AP5M1: variants seen among roughly 807,000 people sequenced by gnomAD.
AP5M1 encodes AP-5 complex subunit mu-1.
AP5M1 carries 44 observed loss-of-function variants against 52.3 expected under a neutral mutation model. That is an observed-to-expected ratio of 0.84 (90% CI 0.66 to 1.08). The LOEUF (loss-of-function observed/expected upper bound fraction) is 1.08, where lower values mean the gene tolerates loss of function less well. Among genes scored for constraint, AP5M1 ranks in the 50% least tolerant of loss-of-function variants. AP5M1 has a pLI of 0.00. For synonymous variants in AP5M1, 213 were observed against 199.0 expected (o/e 1.07, Z -0.59); for missense variants, 526 against 568.4 (o/e 0.93, Z 0.76).
chr14:57,282,225 A>G lies in AP5M1; in HGVS notation c.1085A>G (p.Asn362Ser), dbSNP rs371918736. ...TGTGAAGCCCATATACCTTTTTACA[A>G]TAGGTAGGAATAAAATGCATATTGC... The part of the protein sequence containing the change: ...EFCEAHIPFY[N>S]RGPITHLEYK... The change falls in exon 4 of 8, where the codon AAT becomes AGT. Residue 362 changes from asparagine to serine, a missense_variant. Transcript: ENST00000261558. 115 of 1,521,588 alleles carry G rather than the reference A, an allele frequency of 7.6e-5. No individual in the cohort carries two copies. The highest frequency in any genetic ancestry group is 8.9e-5 in the Non-Finnish European group (102 of 1,141,862). 94.3% of individuals were successfully genotyped at this position (1,521,588 alleles called of 1,614,324 possible).
rs764621908 is a variant in AP5M1, at chr14:57,286,311, T to C, written c.1382T>C (p.Ile461Thr). Reference protein sequence around the residue: ...VQVFASGKPKISAHRKLISSD... With the variant: ...VQVFASGKPKTSAHRKLISSD... ...GTTTTTGCATCAGGAAAACCAAAAA[T>C]AAGTGCACGTAAGTTACACAGATTC... Residue 461 changes from isoleucine (I) to threonine (T), a missense_variant, in exon 7 of 8, where the codon ATA becomes ACA. Transcript: ENST00000261558. The C allele has an allele frequency of 3.1e-6, 5 of 1,593,238 alleles. No homozygotes were observed. In the Admixed American group the frequency reaches 8.3e-5, roughly 27 times the overall value.
chr14:57,298,550 G>C lies in AP5M1; in HGVS notation c.*9666G>C, dbSNP rs1885598462. 1 of 152,130 alleles carries C rather than the reference G, an allele frequency of 6.6e-6. No individual in the cohort carries two copies. Among genetic ancestry groups the C allele is most frequent in the Non-Finnish European group, 1.5e-5 (1 of 68,018 alleles). The allele number at this position is 152,130 out of a possible 1,614,324, so 9.4% of individuals were successfully genotyped here. ...ATTCAATCAGTGTTCATTCCCTTCTGTATCAAAGACTTATAATGGCCTTTT... is the reference window on the plus strand; with the variant it reads ...ATTCAATCAGTGTTCATTCCCTTCTCTATCAAAGACTTATAATGGCCTTTT... On this transcript the variant is annotated 3_prime_UTR_variant, in exon 8 of 8. Transcript: ENST00000261558.
intron 7 of AP5M1, among the ~76,000 whole-genome samples, chr14:57,286,998 C>T (rs775824018): frequency 2.0e-3 from 158 of 78,712 alleles, no homozygotes; most frequent in Middle Eastern, 6.1e-3. Context: ...CACACACATA[C>T]ACACACACAC....
Position 57,298,532 on chromosome 14 carries a change from C to T in AP5M1, c.*9648C>T, listed in dbSNP as rs1307737743. On this transcript the variant is annotated 3_prime_UTR_variant, in exon 8 of 8. Transcript: ENST00000261558. ...AGTTATAAGTGCATAGGTATTCAAT[C>T]AGTGTTCATTCCCTTCTGTATCAAA... is the stretch of plus-strand genomic sequence containing the variant. 1 of 152,132 alleles carries T rather than the reference C, an allele frequency of 6.6e-6. No individual in the cohort carries two copies. The highest frequency in any genetic ancestry group is 1.5e-5 in the Non-Finnish European group (1 of 68,012). 9.4% of individuals were successfully genotyped at this position (152,132 alleles called of 1,614,324 possible).
chr14:57,288,681 T>G, intron 7 of AP5M1, 121 bp from the exon 8 acceptor site: 1 of 625,926 alleles, frequency 1.6e-6, no homozygotes. Flanking sequence ...GAAATTAAAA[T>G]GAATATTTCA....
intron 1 of AP5M1, among the ~76,000 whole-genome samples, chr14:57,273,085 G>A (rs1028776833): frequency 2.6e-5 from 4 of 151,756 alleles, no homozygotes; most frequent in African/African-American, 7.3e-5. Flanking sequence ...GATCACAGGC[G>A]TGCACCACCA....
At chr14:57,276,213 C>A (rs1416170564) in intron 2 of AP5M1, among the ~76,000 whole-genome samples, 1 of 152,064 alleles carries the variant, frequency 6.6e-6, no homozygotes, top group East Asian at 1.9e-4. Flanking sequence ...TTGAGGTGTT[C>A]ATGGATTATG....
rs1443244566 is a variant in AP5M1, at chr14:57,274,241, C to G, written c.75-3C>G. The G allele has an allele frequency of 3.3e-5, 52 of 1,586,990 alleles. No individual in the cohort carries two copies. The highest frequency in any genetic ancestry group is 4.0e-5 in the Non-Finnish European group (47 of 1,167,452). On this transcript the variant is annotated splice_polypyrimidine_tract_variant and splice_region_variant and intron_variant, in intron 1 of 7. Transcript: ENST00000261558. ...TTATAATGTTTCTGTTTCCGTAATG[C>G]AGACGGTATCCAACTGTTGAAAAAC...
In AP5M1 at chr14:57,289,370, T is replaced by G. The variant is rs1407130328; in HGVS notation, c.*486T>G. 1 of 152,192 alleles carries G rather than the reference T, an allele frequency of 6.6e-6. No homozygotes were observed. The allele number at this position is 152,192 out of a possible 1,614,324, so 9.4% of individuals were successfully genotyped here. On this transcript the variant is annotated 3_prime_UTR_variant, in exon 8 of 8. Transcript: ENST00000261558. ...AGTACTAAGCTCCTAGTATAAGGTGTTGTTACAGAATACCAGAGACCATGT... is the reference window on the plus strand; with the variant it reads ...AGTACTAAGCTCCTAGTATAAGGTGGTGTTACAGAATACCAGAGACCATGT...
rs1885575826 is a variant in AP5M1 at position 57,297,456 on chromosome 14, A to T, written c.*8572A>T. ...ACATTTGTATGCTAATGTGTCTTAGATTTACCAACTATCCTAATGTGTAGT... is the reference window on the plus strand; with the variant it reads ...ACATTTGTATGCTAATGTGTCTTAGTTTTACCAACTATCCTAATGTGTAGT... On this transcript the variant is annotated 3_prime_UTR_variant, in exon 8 of 8. Coordinates refer to ENST00000261558, the MANE Select transcript of AP5M1 (RefSeq NM_018229.4). 6.6e-6 allele frequency: 1 copy of T among 152,112 alleles called. No homozygotes were observed. Among genetic ancestry groups the T allele is most frequent in the African/African-American group, 2.4e-5 (1 of 41,430 alleles). 9.4% of individuals were successfully genotyped at this position (152,112 alleles called of 1,614,324 possible).
chr14:57,281,809 T>C (rs945608557), intron 3 of AP5M1, among the ~76,000 whole-genome samples: 3 of 152,248 alleles, frequency 2.0e-5, no homozygotes, highest in Admixed American at 2.0e-4. Context: ...GCCTACTGCA[T>C]GCCCTATGCG....
At position 57,293,587 on chromosome 14, in the gene AP5M1, A is replaced by G. The variant is rs937384654; in HGVS notation, c.*4703A>G. The G allele has an allele frequency of 1.3e-5, 2 of 151,766 alleles. No individual in the cohort carries two copies. The highest frequency in any genetic ancestry group is 2.4e-5 in the African/African-American group (1 of 41,410). The allele number at this position is 151,766 out of a possible 1,614,324, so 9.4% of individuals were successfully genotyped here. On this transcript the variant is annotated 3_prime_UTR_variant, in exon 8 of 8. Coordinates refer to ENST00000261558, the MANE Select transcript of AP5M1 (RefSeq NM_018229.4). ...GAAAAATACAAGATAACGGCATTCT[A>G]TAAAGATAGAGGGCAGGTTCCCATG...
chr14:57,283,499 G>A (rs1885234539), intron 6 of AP5M1, among the ~76,000 whole-genome samples: 1 of 152,316 alleles, frequency 6.6e-6, no homozygotes, highest in East Asian at 1.9e-4. Flanking sequence ...TGAGGTGGGA[G>A]GATCGCTCAA....
Position 57,283,128 on chromosome 14 carries a change from A to G in AP5M1, c.1191A>G (p.Lys397=). The G allele has an allele frequency of 6.2e-7, 1 of 1,612,488 alleles. No homozygotes were observed. The highest frequency in any genetic ancestry group is 1.1e-5 in the South Asian group (1 of 90,492). Residue 397 remains lysine, a synonymous_variant, in exon 6 of 8, where the codon AAA becomes AAG. Transcript: ENST00000261558. The part of the protein sequence containing the change: ...LIWIIGQKFP[K]SMEISLSGTV... ...GTGTTTTAGGCCAGAAGTTCCCAAAATCAATGGAAATTAGTCTTTCTGGAA... is the reference window on the plus strand; with the variant it reads ...GTGTTTTAGGCCAGAAGTTCCCAAAGTCAATGGAAATTAGTCTTTCTGGAA...
intron 2 of AP5M1, among the ~76,000 whole-genome samples, chr14:57,276,615 T>G (rs1188624806): frequency 3.9e-5 from 6 of 151,920 alleles, no homozygotes; most frequent in East Asian, 3.9e-4. Flanking sequence ...TTCTGTTTTT[T>G]TTTTTTTTTT....
intron 7 of AP5M1, 166 bp downstream of exon 7, chr14:57,286,485 T>C (rs913675952): frequency 1.1e-5 from 6 of 531,252 alleles, no homozygotes; most frequent in African/African-American, 9.7e-5. Context: ...TACTTTACAC[T>C]GCCCTCTGCC....
Position 57,286,234 on chromosome 14 carries a change from G to A in AP5M1, c.1305G>A (p.Arg435=). Residue 435 remains arginine, a synonymous_variant, in exon 7 of 8, where the codon AGG becomes AGA. Transcript: ENST00000261558. ...GETAYLKLHF[R]ILDYTLTGCY... is the part of the protein sequence containing the mutation. ...TCTCTTCTTTCTAGCTTCATTTTAG[G>A]ATCTTAGATTACACACTTACTGGAT... The A allele has an allele frequency of 6.2e-7, 1 of 1,604,984 alleles. No homozygotes were observed. Among genetic ancestry groups the A allele is most frequent in the South Asian group, 1.1e-5 (1 of 90,096 alleles).
At chr14:57,281,518 T>A (rs750891059) in intron 3 of AP5M1, among the ~76,000 whole-genome samples, 1 of 152,250 alleles carries the variant, frequency 6.6e-6, no homozygotes, top group Non-Finnish European at 1.5e-5. Context: ...GTCCACCCTG[T>A]CTGTCACATC....
intron 1 of AP5M1, among the ~76,000 whole-genome samples, chr14:57,270,453 A>G (rs1204724308): frequency 6.6e-6 from 1 of 152,186 alleles, no homozygotes. Flanking sequence ...AGGCAGAAAA[A>G]AAAGATTTTA....
Sources: allele counts gnomAD v4.1 joint callset (sites outside exome capture counted in the v4.1 genomes callset), GRCh38; gene constraint gnomAD v4.1.1; transcripts MANE v1.5; gene names NCBI Gene and HGNC (gene_info 2026-07-23, HGNC 2026-07-21).